Variants in ERGIC1 observed in about 807,000 individuals in gnomAD.
ERGIC1 encodes endoplasmic reticulum-golgi intermediate compartment 1.
In ERGIC1, 19 loss-of-function variants were observed where a neutral mutation model predicts 38.3. The ratio of observed to expected loss-of-function variants is 0.50; its 90% CI spans 0.35 to 0.73. ERGIC1 has a LOEUF of 0.73. Ranked by LOEUF, ERGIC1 falls within the 30% of genes least tolerant of loss-of-function variation. The pLI, the probability that ERGIC1 is intolerant of heterozygous loss-of-function variation, is 0.01. For synonymous variants in ERGIC1, 124 were observed against 157.6 expected (o/e 0.79, Z 1.60); for missense variants, 294 against 389.2 (o/e 0.76, Z 2.06).
intron 3 of ERGIC1, among the ~76,000 whole-genome samples, chr5:172,900,176 C>T (rs564494483): frequency 3.9e-5 from 6 of 152,256 alleles, no homozygotes; most frequent in South Asian, 2.1e-4. Context: ...GCTTGAGGCT[C>T]GAGCAGGTGG....
intron 5 of ERGIC1, 68 bp from the exon 6 acceptor site, chr5:172,923,937 G>A (rs1763591927): frequency 7.2e-7 from 1 of 1,387,380 alleles, no homozygotes; most frequent in Non-Finnish European, 1.0e-6. Flanking sequence ...ATCACACAGG[G>A]TGAGGCCCCA....
intron 3 of ERGIC1, among the ~76,000 whole-genome samples, chr5:172,906,521 C>G (rs1434872312): frequency 6.6e-6 from 1 of 152,114 alleles, no homozygotes; most frequent in African/African-American, 2.4e-5. Flanking sequence ...CACAGAGAAG[C>G]CCCAGGTGTC....
intron 2 of ERGIC1, among the ~76,000 whole-genome samples, chr5:172,892,996 G>A (rs748289942): frequency 7.2e-5 from 11 of 152,136 alleles, no homozygotes; most frequent in Non-Finnish European, 1.0e-4. Context: ...ACAGATTTCA[G>A]GAGGCCTTTC....
At chr5:172,907,514 C>T (rs376888888) in intron 3 of ERGIC1, among the ~76,000 whole-genome samples, 2 of 151,880 alleles carry the variant, frequency 1.3e-5, no homozygotes, top group East Asian at 1.9e-4. Context: ...GCCGAGATCG[C>T]GCCACTGCAC....
chr5:172,945,471 A>G (rs914156829), intron 9 of ERGIC1, among the ~76,000 whole-genome samples: 3 of 152,184 alleles, frequency 2.0e-5, no homozygotes, highest in African/African-American at 7.2e-5. Flanking sequence ...TGAGACCCAA[A>G]GGCGTGCTCT....
At chr5:172,921,706 C>T (rs550614846) in intron 5 of ERGIC1, 1 of 152,452 alleles carries the variant, frequency 6.6e-6, no homozygotes, top group African/African-American at 2.4e-5. Flanking sequence ...CTCTTTGTTT[C>T]CTGCTGCTGC....
intron 2 of ERGIC1, among the ~76,000 whole-genome samples, chr5:172,892,738 T>C (rs1325102097): frequency 1.3e-5 from 2 of 152,230 alleles, no homozygotes; most frequent in Non-Finnish European, 2.9e-5. Context: ...TTGTGTTTTT[T>C]ATTCATTCAT....
chr5:172,925,968 G>A (rs911065061), intron 6 of ERGIC1, among the ~76,000 whole-genome samples: 7 of 152,158 alleles, frequency 4.6e-5, no homozygotes, highest in Non-Finnish European at 2.9e-5. Context: ...TCTGCTATAC[G>A]TTCTCTGCAG....
rs532531450 is a variant in ERGIC1 at position 172,859,557 on chromosome 5, C to T, written c.20+25124C>T. On this transcript the variant is annotated intron_variant, in intron 1 of 9. Coordinates refer to ENST00000393784, the MANE Select transcript of ERGIC1 (RefSeq NM_001031711.3). ...TGAAGTGTGGCTGCTCTCATTGGCT[C>T]CACTTAGCAGGATGAAACTGGGGCT... Among the ~76,000 whole-genome samples, 6 of 152,346 alleles carry T rather than the reference C, an allele frequency of 3.9e-5. No homozygotes were observed. In the South Asian group the frequency reaches 1.0e-3, roughly 26 times the overall value.
intron 5 of ERGIC1, chr5:172,915,158 C>T: frequency 1.5e-6 from 1 of 649,502 alleles, no homozygotes; most frequent in Non-Finnish European, 2.8e-6. Context: ...CTTCTTGGCC[C>T]CTACAAGTCA....
rs963747794 is a variant in ERGIC1, at chr5:172,858,219, T to A, written c.20+23786T>A. Among the ~76,000 whole-genome samples the A allele has an allele frequency of 3.3e-5, 5 of 151,970 alleles. No homozygotes were observed. In the South Asian group the frequency reaches 8.3e-4, roughly 25 times the overall value. Reference sequence around the variant, plus strand: ...GAGAGCATGGGCAAAGGCCCTGAGGTGGGAGGTCACAGGTCGGCCGGCTGA... The same window carrying A: ...GAGAGCATGGGCAAAGGCCCTGAGGAGGGAGGTCACAGGTCGGCCGGCTGA... On this transcript the variant is annotated intron_variant, in intron 1 of 9. Coordinates refer to ENST00000393784, the MANE Select transcript of ERGIC1 (RefSeq NM_001031711.3).
At chr5:172,882,839 C>A (rs1376701446) in intron 1 of ERGIC1, among the ~76,000 whole-genome samples, 1 of 152,116 alleles carries the variant, frequency 6.6e-6, no homozygotes, top group African/African-American at 2.4e-5. Flanking sequence ...AGGGTTAAAC[C>A]AGCACCTAAA....
At chr5:172,935,340 C>G in intron 9 of ERGIC1, 30 bp downstream of exon 9, 2 of 1,613,390 alleles carry the variant, frequency 1.2e-6, no homozygotes, top group Non-Finnish European at 1.7e-6. Context: ...GGGTGGGGCC[C>G]TGAGCCAGCC....
chr5:172,908,548 C>G (rs1763114071), intron 3 of ERGIC1, among the ~76,000 whole-genome samples: 1 of 150,252 alleles, frequency 6.7e-6, no homozygotes, highest in African/African-American at 2.4e-5. Flanking sequence ...TGCACTCCAG[C>G]CTGGGTAACA....
At chr5:172,863,151 A>T (rs927623637) in intron 1 of ERGIC1, among the ~76,000 whole-genome samples, 1 of 152,142 alleles carries the variant, frequency 6.6e-6, no homozygotes, top group African/African-American at 2.4e-5. Context: ...GGGTTTCGTC[A>T]TATTGGCCAG....
chr5:172,892,133 A>T (rs1336187206), intron 2 of ERGIC1, among the ~76,000 whole-genome samples: 2 of 135,334 alleles, frequency 1.5e-5, no homozygotes, highest in Non-Finnish European at 3.0e-5. Context: ...ACATGGTCTG[A>T]TAGACAGTTT....
At position 172,877,699 on chromosome 5, in the gene ERGIC1, C is replaced by T. The variant is rs1037868655; in HGVS notation, c.21-11000C>T. Among the ~76,000 whole-genome samples, 9 of 152,048 alleles carry T rather than the reference C, an allele frequency of 5.9e-5. No individual in the cohort carries two copies. The South Asian group carries it at 6.2e-4, about 11-fold the overall frequency. ...TCCCATCTAGCTGTATCACCCTCTG[C>T]GTTATGGGTGATCTGTAGTGTCCCC... On this transcript the variant is annotated intron_variant, in intron 1 of 9. Coordinates refer to ENST00000393784, the MANE Select transcript of ERGIC1 (RefSeq NM_001031711.3).
chr5:172,896,148 G>T (rs1762716077), intron 2 of ERGIC1, among the ~76,000 whole-genome samples: 1 of 151,984 alleles, frequency 6.6e-6, no homozygotes, highest in African/African-American at 2.4e-5. Flanking sequence ...TTCAAGACCA[G>T]CCCGGCCAAC....
rs762442390 is a variant in ERGIC1 at position 172,836,255 on chromosome 5, G to A, written c.20+1822G>A. The stretch of plus-strand genomic sequence containing the variant: ...TTGAATTGGTGGCTTGTGGGGGCAG[G>A]TAAGGGAAGTAAGGAAAATGGGTAA... On this transcript the variant is annotated intron_variant, in intron 1 of 9. Coordinates refer to ENST00000393784, the MANE Select transcript of ERGIC1 (RefSeq NM_001031711.3). Among the ~76,000 whole-genome samples, 5 of 152,150 alleles carry A rather than the reference G, an allele frequency of 3.3e-5. No individual in the cohort carries two copies. The South Asian group carries it at 1.0e-3, about 31-fold the overall frequency.
Sources: allele counts gnomAD v4.1 joint callset (sites outside exome capture counted in the v4.1 genomes callset), GRCh38; gene constraint gnomAD v4.1.1; transcripts MANE v1.5; gene names NCBI Gene and HGNC (gene_info 2026-07-23, HGNC 2026-07-21).